The following LRRIQ1 variants were observed in gnomAD, a reference collection of about 807,000 sequenced individuals.
The protein encoded by LRRIQ1 is leucine rich repeats and IQ motif containing 1.
Under a neutral mutation model 211.9 loss-of-function variants are expected in LRRIQ1, and 210 were observed. The observed-to-expected ratio is 0.99, with a 90% CI of 0.89 to 1.11. The LOEUF (loss-of-function observed/expected upper bound fraction) is 1.11, where lower values mean the gene tolerates loss of function less well. Among genes scored for constraint, LRRIQ1 ranks in the 50% most tolerant of loss-of-function variants. LRRIQ1 has a pLI of 0.00. For synonymous variants in LRRIQ1, 699 were observed against 650.1 expected (o/e 1.08, Z -1.14); for missense variants, 2,136 against 1,939.5 (o/e 1.10, Z -1.90).
chr12:85,162,658 A>G (rs1348946205), intron 24 of LRRIQ1: 1 of 420,992 alleles, frequency 2.4e-6, no homozygotes, highest in Non-Finnish European at 4.7e-6. Flanking sequence ...TATGCTAGAA[A>G]TAGTTCAAAG....
chr12:85,081,089 G>A (rs1457568984), intron 11 of LRRIQ1, among the ~76,000 whole-genome samples: 4 of 152,018 alleles, frequency 2.6e-5, no homozygotes, highest in African/African-American at 7.2e-5. Context: ...TTACTCTTAA[G>A]GGATAGTGCA....
intron 1 of LRRIQ1, among the ~76,000 whole-genome samples, chr12:85,254,615 TTAAC>T (rs1385093569): frequency 1.2e-4 from 19 of 152,106 alleles, no homozygotes; most frequent in Non-Finnish European, 1.9e-4. Flanking sequence ...TCTCCACTAA[TTAAC>T]TAGCATATTA....
rs1167847514 is a variant in LRRIQ1 at position 85,047,246 on chromosome 12, G to T, written c.455-1G>T. 6.3e-7 allele frequency: 1 copy of T among 1,584,450 alleles called. No homozygotes were observed. Among genetic ancestry groups the T allele is most frequent in the Non-Finnish European group, 8.5e-7 (1 of 1,169,688 alleles). On this transcript the variant is annotated splice_acceptor_variant, in intron 5 of 26. Coordinates refer to ENST00000393217, the MANE Select transcript of LRRIQ1 (RefSeq NM_001079910.2). LOFTEE classifies it high-confidence loss of function. ...GATGTTATTTTTCTTCATGAGTGCA[G>T]ATGATGCTGATATAAATTTTGGATA...
rs533588930 is a variant in LRRIQ1 at position 85,164,501 on chromosome 12, T to C, written c.4822+3787T>C. Among the ~76,000 whole-genome samples, 306 of 152,326 alleles carry C rather than the reference T, an allele frequency of 2.0e-3. 2 individuals carry two copies. Among genetic ancestry groups the C allele is most frequent in the African/African-American group, 7.0e-3 (293 of 41,576 alleles). On this transcript the variant is annotated intron_variant, in intron 24 of 26. Coordinates refer to ENST00000393217, the MANE Select transcript of LRRIQ1 (RefSeq NM_001079910.2). ...ACACACAATCTAAGTACATATTAAG[T>C]GCTCAAAATGTAATCATTAGCAATA...
intron 24 of LRRIQ1, among the ~76,000 whole-genome samples, chr12:85,219,505 T>G (rs1471604011): frequency 6.6e-6 from 1 of 152,118 alleles, no homozygotes; most frequent in Non-Finnish European, 1.5e-5. Context: ...TTCATACACT[T>G]TATGTACTAT....
At chr12:85,060,500 AT>A (rs992838336) in intron 8 of LRRIQ1, among the ~76,000 whole-genome samples, 4 of 152,068 alleles carry the variant, frequency 2.6e-5, no homozygotes, top group African/African-American at 7.2e-5. Flanking sequence ...CATAACGTGA[AT>A]AATAATATTT....
chr12:85,209,255 T>C (rs1393834806), intron 24 of LRRIQ1, among the ~76,000 whole-genome samples: 1 of 152,148 alleles, frequency 6.6e-6, no homozygotes, highest in Non-Finnish European at 1.5e-5. Flanking sequence ...TGGGGAGGCC[T>C]CAGGAAACTT....
chr12:85,239,356 T>TACACACACACAC (rs55912271), intron 26 of LRRIQ1, among the ~76,000 whole-genome samples: 24,226 of 144,858 alleles, frequency 0.17, 2,333 homozygotes, highest in Non-Finnish European at 0.22. Flanking sequence ...AACTGTTTTA[T>TACACACACACAC]ACACACACAC....
chr12:85,038,227 TA>T lies in LRRIQ1; in HGVS notation c.54del (p.Lys18AsnfsTer43). ...LKAEIEAELDKLSISSLEKED... is the reference protein window; with the variant it reads ...LKAEIEAELDXLSISSLEKED... The stretch of plus-strand genomic sequence containing the variant: ...AAGCAGAAATAGAAGCTGAATTGGA[TA>T]AACTCAGCATTTCCTCCTTGGAAAA... On this transcript the variant is annotated frameshift_variant, in exon 2 of 27. Coordinates refer to ENST00000393217, the MANE Select transcript of LRRIQ1 (RefSeq NM_001079910.2). LOFTEE classifies it high-confidence loss of function. 6.3e-7 allele frequency: 1 copy of T among 1,586,056 alleles called. No individual in the cohort carries two copies. Among genetic ancestry groups the T allele is most frequent in the Non-Finnish European group, 8.6e-7 (1 of 1,164,474 alleles).
intron 11 of LRRIQ1, among the ~76,000 whole-genome samples, chr12:85,081,904 G>A (rs1884335376): frequency 6.6e-6 from 1 of 151,566 alleles, no homozygotes; most frequent in African/African-American, 2.4e-5. Context: ...TGTATTTTTA[G>A]TAGAGAAGGG....
intron 11 of LRRIQ1, among the ~76,000 whole-genome samples, chr12:85,084,612 A>G (rs1269314758): frequency 6.6e-6 from 1 of 152,128 alleles, no homozygotes; most frequent in Non-Finnish European, 1.5e-5. Flanking sequence ...CTGAAACAGA[A>G]TATCAATTTT....
chr12:85,232,593 T>C (rs1475683631), intron 25 of LRRIQ1, 103 bp from the exon 26 acceptor site: 1 of 865,990 alleles, frequency 1.2e-6, no homozygotes, highest in Non-Finnish European at 1.8e-6. Flanking sequence ...GTTTCCATTT[T>C]GTAAATAACG....
intron 19 of LRRIQ1, among the ~76,000 whole-genome samples, chr12:85,145,918 AT>A (rs2136621442): frequency 6.6e-6 from 1 of 151,842 alleles, no homozygotes; most frequent in East Asian, 1.9e-4. Context: ...TATCCCAAAA[AT>A]ATCCATCCCT....
At chr12:85,163,489 C>T (rs1049356763) in intron 24 of LRRIQ1, among the ~76,000 whole-genome samples, 7 of 152,126 alleles carry the variant, frequency 4.6e-5, no homozygotes, top group African/African-American at 1.7e-4. Flanking sequence ...TTGGATCATA[C>T]TGTAGAACTG....
At chr12:85,045,732 G>C (rs1286943197) in intron 4 of LRRIQ1, among the ~76,000 whole-genome samples, 1 of 151,810 alleles carries the variant, frequency 6.6e-6, no homozygotes, top group Non-Finnish European at 1.5e-5. Flanking sequence ...ATTTTGAAGT[G>C]ATTGTCAGAT....
chr12:85,038,578 T>C (rs190774285), intron 2 of LRRIQ1, among the ~76,000 whole-genome samples: 73 of 151,850 alleles, frequency 4.8e-4, no homozygotes, highest in African/African-American at 1.6e-3. Flanking sequence ...GTATATGAAA[T>C]CTTTTGACAT....
At chr12:85,061,646 G>A (rs1290209719) in intron 8 of LRRIQ1, among the ~76,000 whole-genome samples, 1 of 151,728 alleles carries the variant, frequency 6.6e-6, no homozygotes, top group East Asian at 1.9e-4. Flanking sequence ...TTACTATACA[G>A]CTGTAATTGT....
intron 7 of LRRIQ1, 53 bp downstream of exon 7, chr12:85,052,304 C>T (rs946270951): frequency 2.2e-6 from 2 of 899,120 alleles, no homozygotes; most frequent in East Asian, 2.7e-5. Flanking sequence ...ATTTGAAATA[C>T]ATTACTATGC....
intron 18 of LRRIQ1, among the ~76,000 whole-genome samples, chr12:85,130,503 CTG>C: frequency 6.6e-6 from 1 of 152,286 alleles, no homozygotes; most frequent in Non-Finnish European, 1.5e-5. Flanking sequence ...CTAGTTGTGA[CTG>C]ATACCTCTGT....
Sources: allele counts gnomAD v4.1 joint callset (sites outside exome capture counted in the v4.1 genomes callset), GRCh38; gene constraint gnomAD v4.1.1; transcripts MANE v1.5; gene names NCBI Gene and HGNC (gene_info 2026-07-23, HGNC 2026-07-21).